TNFRSF10B: variants seen among roughly 807,000 people sequenced by gnomAD.
The protein encoded by TNFRSF10B is tumor necrosis factor receptor superfamily member 10B.
A neutral mutation model predicts 41.4 loss-of-function variants in TNFRSF10B; 35 were observed. The ratio of observed to expected loss-of-function variants is 0.85; its 90% confidence interval spans 0.65 to 1.12. TNFRSF10B has a LOEUF of 1.12. Ranked by LOEUF, TNFRSF10B falls within the 50% of genes most tolerant of loss-of-function variation. TNFRSF10B has a pLI of 0.00. For missense variants in TNFRSF10B, 584 were observed against 552.7 expected, an observed-to-expected ratio of 1.06 and a Z score of -0.57; for synonymous variants, 230 against 215.5, an observed-to-expected ratio of 1.07 and a Z score of -0.59.
chr8:23,068,757 C>T lies in TNFRSF10B; in HGVS notation c.138G>A (p.Leu46=). Reference sequence around the variant, plus strand: ...GACCGCGGCGGGGACTCACCAACAGCAGGACCGCGGCGACAACGAGCACAA... The same window carrying T: ...GACCGCGGCGGGGACTCACCAACAGTAGGACCGCGGCGACAACGAGCACAA... ...KTLVLVVAAV[L]LLVSAESALI... The change falls in exon 1 of 9, where the codon CTG becomes CTA. Residue 46 remains leucine (L), a synonymous_variant. Coordinates refer to ENST00000276431, the MANE Select transcript of TNFRSF10B (RefSeq NM_003842.5). The T allele has an allele frequency of 6.3e-7, 1 of 1,584,960 alleles. No individual in the cohort carries two copies. The highest frequency in any genetic ancestry group is 1.7e-4 in the Middle Eastern group (1 of 6,030).
chr8:23,050,796 G>A (rs370897741), intron 1 of TNFRSF10B, among the ~76,000 whole-genome samples: 9 of 152,178 alleles, frequency 5.9e-5, no homozygotes, highest in Admixed American at 2.0e-4. Context: ...AGTTAAGGCC[G>A]GGCGTGGTGT....
chr8:23,065,894 T>G (rs1250280554), intron 1 of TNFRSF10B, among the ~76,000 whole-genome samples: 1 of 152,028 alleles, frequency 6.6e-6, no homozygotes, highest in Non-Finnish European at 1.5e-5. Flanking sequence ...ACAGATATAA[T>G]GGTGTTGATA....
intron 2 of TNFRSF10B, among the ~76,000 whole-genome samples, chr8:23,037,209 G>A (rs1563312378): frequency 6.6e-6 from 1 of 152,088 alleles, no homozygotes; most frequent in Non-Finnish European, 1.5e-5. Context: ...ATCACTCAAT[G>A]GGCTCATGAA....
chr8:23,032,309 A>T (rs1319668785), intron 2 of TNFRSF10B, among the ~76,000 whole-genome samples: 2 of 152,218 alleles, frequency 1.3e-5, no homozygotes, highest in African/African-American at 4.8e-5. Flanking sequence ...CAGAAGTCAT[A>T]CAACAATGGG....
intron 1 of TNFRSF10B, among the ~76,000 whole-genome samples, chr8:23,067,027 G>A (rs1813006667): frequency 6.7e-6 from 1 of 150,340 alleles, no homozygotes; most frequent in Non-Finnish European, 1.5e-5. Flanking sequence ...CTCCCAGGCT[G>A]GAGTGCAGTG....
intron 2 of TNFRSF10B, among the ~76,000 whole-genome samples, chr8:23,040,525 GAAGT>G (rs1418073339): frequency 2.0e-5 from 3 of 147,530 alleles, no homozygotes; most frequent in African/African-American, 7.5e-5. Context: ...GAAAAGAAAA[GAAGT>G]GAGTGAAAAT....
At chr8:23,048,293 G>C (rs2128817423) in intron 1 of TNFRSF10B, among the ~76,000 whole-genome samples, 1 of 152,086 alleles carries the variant, frequency 6.6e-6, no homozygotes, top group East Asian at 1.9e-4. Flanking sequence ...AAAATTAGCT[G>C]GGCGTGGTGG....
chr8:23,065,238 G>A (rs367604961), intron 1 of TNFRSF10B, among the ~76,000 whole-genome samples: 52 of 152,258 alleles, frequency 3.4e-4, no homozygotes, highest in African/African-American at 1.1e-3. Flanking sequence ...TGTCCCCGCC[G>A]CCAAGCACAT....
chr8:23,034,373 G>T (rs73543027), intron 2 of TNFRSF10B, among the ~76,000 whole-genome samples: 1,940 of 152,210 alleles, frequency 0.013, 42 homozygotes, highest in African/African-American at 0.044. Context: ...AGACTATTAT[G>T]GTGGAAAAGA....
rs1043627089 is a variant in TNFRSF10B, at chr8:23,027,807, C to T, written c.749-54G>A. ...AAGGGAGGGGCCCATGAAGCACCCC[C>T]CTCCCAGAGGACAGTGGGGCGCAGG... On this transcript the variant is annotated intron_variant, in intron 5 of 8. Coordinates refer to ENST00000276431, the MANE Select transcript of TNFRSF10B (RefSeq NM_003842.5). 10 of 1,610,828 alleles carry T rather than the reference C, an allele frequency of 6.2e-6. No individual in the cohort carries two copies. In the African/African-American group the frequency reaches 9.3e-5, roughly 15 times the overall value.
chr8:23,055,521 T>TTAAAAAAAA (rs1554510887), intron 1 of TNFRSF10B, among the ~76,000 whole-genome samples: 13 of 120,540 alleles, frequency 1.1e-4, no homozygotes, highest in African/African-American at 4.0e-4. Flanking sequence ...ATTAAATGCT[T>TTAAAAAAAA]AAAAAAAAAA....
chr8:23,042,094 A>T (rs1563315142), intron 2 of TNFRSF10B, among the ~76,000 whole-genome samples: 1 of 152,162 alleles, frequency 6.6e-6, no homozygotes, highest in Non-Finnish European at 1.5e-5. Context: ...CACGTCATCC[A>T]TCCACACCCC....
intron 2 of TNFRSF10B, among the ~76,000 whole-genome samples, chr8:23,040,787 T>C (rs1208280431): frequency 6.6e-6 from 1 of 152,042 alleles, no homozygotes; most frequent in Non-Finnish European, 1.5e-5. Flanking sequence ...CTGAATTATT[T>C]TTATTAATAT....
chr8:23,021,943 AATAAC>A lies in TNFRSF10B; in HGVS notation c.*723_*727del, dbSNP rs1811538078. On this transcript the variant is annotated 3_prime_UTR_variant, in exon 9 of 9. Coordinates refer to ENST00000276431, the MANE Select transcript of TNFRSF10B (RefSeq NM_003842.5). ...TAAAGTTTCTTCATGTTCATAAAAT[AATAAC>A]ATACAGAATTATAAAAGTAGAAAGG... 4.4e-6 allele frequency: 2 copies of A among 452,950 alleles called. No individual in the cohort carries two copies. Among genetic ancestry groups the A allele is most frequent in the Non-Finnish European group, 8.8e-6 (2 of 226,132 alleles). The allele number at this position is 452,950 out of a possible 1,614,324, so 28.1% of individuals were successfully genotyped here.
intron 2 of TNFRSF10B, among the ~76,000 whole-genome samples, chr8:23,041,682 G>A (rs189655181): frequency 4.6e-5 from 7 of 151,220 alleles, no homozygotes; most frequent in Admixed American, 4.6e-4. Flanking sequence ...AACAGTGTCT[G>A]TGTCATGAAC....
chr8:23,034,945 T>C (rs1417182019), intron 2 of TNFRSF10B, among the ~76,000 whole-genome samples: 3 of 152,200 alleles, frequency 2.0e-5, no homozygotes, highest in Non-Finnish European at 4.4e-5. Context: ...TATGGTTTCA[T>C]TGTTTGAGCA....
At chr8:23,027,495 G>T in intron 6 of TNFRSF10B, 1 of 780,946 alleles carries the variant, frequency 1.3e-6, no homozygotes, top group Non-Finnish European at 2.1e-6. Context: ...CATCCCTAGG[G>T]TGCAGGCTGT....
At chr8:23,067,933 A>T (rs1318503751) in intron 1 of TNFRSF10B, among the ~76,000 whole-genome samples, 1 of 152,186 alleles carries the variant, frequency 6.6e-6, no homozygotes, top group Non-Finnish European at 1.5e-5. Context: ...CCCCAAGCGC[A>T]GTTCCAGGCG....
Position 23,068,611 on chromosome 8 carries a change from G to A in TNFRSF10B, c.144+140C>T, listed in dbSNP as rs562710374. 6 of 1,347,976 alleles carry A rather than the reference G, an allele frequency of 4.5e-6. No homozygotes were observed. The South Asian group carries it at 5.8e-5, about 13-fold the overall frequency. The allele number at this position is 1,347,976 out of a possible 1,614,324, so 83.5% of individuals were successfully genotyped here. A position where few individuals can be genotyped will look rare whatever the true frequency, so the allele number is the denominator to read the frequency against. ...GGGACCCATCTCTTCCCCCGACTCC[G>A]ACGACTGGTGCGTCTTGCCCGGACA... is the stretch of plus-strand genomic sequence containing the variant. On this transcript the variant is annotated intron_variant, in intron 1 of 8. Coordinates refer to ENST00000276431, the MANE Select transcript of TNFRSF10B (RefSeq NM_003842.5).
Sources: gnomAD v4.1 joint callset for allele counts (sites outside exome capture counted in the v4.1 genomes callset) on GRCh38, gnomAD v4.1.1 for gene constraint, MANE v1.5 for transcripts, NCBI Gene and HGNC (gene_info 2026-07-23, HGNC 2026-07-21) for gene names.